The following USF3 variants were observed in gnomAD, a reference collection of about 807,000 sequenced individuals.
USF3 encodes basic helix-loop-helix domain-containing protein USF3.
Under a neutral mutation model 157.5 loss-of-function variants are expected in USF3, and 29 were observed. The observed-to-expected ratio is 0.18, with a 90% CI of 0.14 to 0.25. The LOEUF (loss-of-function observed/expected upper bound fraction) is 0.25, where lower values mean the gene tolerates loss of function less well. Ranked by LOEUF, USF3 falls within the 10% of genes least tolerant of loss-of-function variation. The probability of loss-of-function intolerance (pLI) is 1.00; values close to 1 mark genes in which losing one functional copy is unlikely to be tolerated. For missense variants in USF3, 2,381 were observed against 2,667.6 expected (o/e 0.89, Z 2.37); for synonymous variants, 893 against 941.4 (o/e 0.95, Z 0.94).
At chr3:113,669,585 A>T (rs1301930707) in intron 5 of USF3, among the ~76,000 whole-genome samples, 3 of 151,912 alleles carry the variant, frequency 2.0e-5, no homozygotes, top group Non-Finnish European at 4.4e-5. Context: ...TCAGTGGAGC[A>T]TGCTTTATCC....
chr3:113,657,009 T>C lies in USF3; in HGVS notation c.4673A>G (p.His1558Arg). The change falls in exon 7 of 7, where the codon CAC becomes CGC. Residue 1558 changes from histidine (H) to arginine (R), a missense_variant. This residue lies in a region of USF3 where 770 missense variants were observed against 824.2 expected (regional missense o/e 0.93). Coordinates refer to ENST00000316407, the MANE Select transcript of USF3 (RefSeq NM_001009899.4). ...SRSKTGQPHP[H>R]HQQMQQQMQQ... ...CATTTGTTGCTGCATCTGCTGATGGTGGGGATGTGGCTGGCCAGTCTTGGA... is the reference window on the plus strand; with the variant it reads ...CATTTGTTGCTGCATCTGCTGATGGCGGGGATGTGGCTGGCCAGTCTTGGA... The C allele has an allele frequency of 6.2e-7, 1 of 1,614,092 alleles. No individual in the cohort carries two copies. The highest frequency in any genetic ancestry group is 8.5e-7 in the Non-Finnish European group (1 of 1,180,004).
intron 5 of USF3, among the ~76,000 whole-genome samples, chr3:113,667,408 G>A (rs1028950010): frequency 6.6e-6 from 1 of 152,132 alleles, no homozygotes. Context: ...AGAGAAACTC[G>A]CAGGGATGAA....
In USF3 at chr3:113,656,988, T is replaced by C; in HGVS notation, c.4694A>G (p.Gln1565Arg). Residue 1565 changes from glutamine to arginine, a missense_variant, in exon 7 of 7, where the codon CAA becomes CGA. Transcript: ENST00000316407. ...PHPHHQQMQQ[Q>R]MQQHFGSSQT... ...GGAGCTTCCAAAGTGTTGCTGCATTTGTTGCTGCATCTGCTGATGGTGGGG... is the reference window on the plus strand; with the variant it reads ...GGAGCTTCCAAAGTGTTGCTGCATTCGTTGCTGCATCTGCTGATGGTGGGG... The C allele has an allele frequency of 1.2e-6, 2 of 1,614,190 alleles. No individual in the cohort carries two copies. Among genetic ancestry groups the C allele is most frequent in the South Asian group, 2.2e-5 (2 of 91,084 alleles).
Position 113,661,040 on chromosome 3 carries a change from A to T in USF3, c.642T>A (p.Val214=). 3 of 1,614,204 alleles carry T rather than the reference A, an allele frequency of 1.9e-6. No individual in the cohort carries two copies. The highest frequency in any genetic ancestry group is 2.5e-6 in the Non-Finnish European group (3 of 1,180,030). The change falls in exon 7 of 7, where the codon GTT becomes GTA. Residue 214 remains valine (V), a synonymous_variant. Transcript: ENST00000316407. ...SENKPWHQTT[V]PALATNQPVP... is the part of the protein sequence containing the mutation. Reference sequence around the variant, plus strand: ...CAGGCTGGTTGGTAGCCAATGCAGGAACTGTGGTCTGATGCCATGGCTTGT... The same window carrying T: ...CAGGCTGGTTGGTAGCCAATGCAGGTACTGTGGTCTGATGCCATGGCTTGT...
intron 1 of USF3, among the ~76,000 whole-genome samples, chr3:113,677,981 T>G (rs149169237): frequency 2.0e-5 from 3 of 151,306 alleles, no homozygotes; most frequent in African/African-American, 7.3e-5. Flanking sequence ...TTGGGTGATC[T>G]TCTCCCCTCC....
At chr3:113,672,113 G>A (rs771951521) in intron 4 of USF3, among the ~76,000 whole-genome samples, 6 of 149,026 alleles carry the variant, frequency 4.0e-5, no homozygotes, top group Non-Finnish European at 7.4e-5. Flanking sequence ...TTCTTAGTAA[G>A]TTATGGTAAA....
At chr3:113,662,723 G>A (rs747416803) in intron 6 of USF3, among the ~76,000 whole-genome samples, 2 of 151,966 alleles carry the variant, frequency 1.3e-5, no homozygotes, top group African/African-American at 2.4e-5. Context: ...TAATAACAAC[G>A]ACAACTATAA....
chr3:113,683,081 G>A (rs547309128), intron 1 of USF3, among the ~76,000 whole-genome samples: 60 of 151,440 alleles, frequency 4.0e-4, no homozygotes, highest in Non-Finnish European at 8.1e-4. Flanking sequence ...CTGGTGGTAC[G>A]TTTTAATTTC....
chr3:113,692,277 C>T (rs1343454057), intron 1 of USF3, among the ~76,000 whole-genome samples: 3 of 152,148 alleles, frequency 2.0e-5, no homozygotes, highest in Non-Finnish European at 2.9e-5. Context: ...ACATGAAATA[C>T]AATCTATATA....
chr3:113,658,109 T>C lies in USF3; in HGVS notation c.3573A>G (p.Ala1191=). ...PKESGTGQAE[A]TPNEFNSQGS... ...CCTGAGAATTAAATTCATTTGGTGT[T>C]GCTTCTGCCTGTCCTGTGCCACTCT... The change falls in exon 7 of 7, where the codon GCA becomes GCG. Residue 1191 remains alanine (A), a synonymous_variant. Transcript: ENST00000316407. 2 of 1,614,196 alleles carry C rather than the reference T, an allele frequency of 1.2e-6. No individual in the cohort carries two copies. Among genetic ancestry groups the C allele is most frequent in the Non-Finnish European group, 1.7e-6 (2 of 1,180,026 alleles).
At chr3:113,679,009 GTC>G (rs373834496) in intron 1 of USF3, among the ~76,000 whole-genome samples, 1,465 of 143,726 alleles carry the variant, frequency 0.01, 11 homozygotes, top group African/African-American at 0.024. Context: ...CCAGGCTGGT[GTC>G]TCTCTCTCTC....
In USF3 at chr3:113,655,710, C is replaced by T. The variant is rs776587053; in HGVS notation, c.5972G>A (p.Arg1991His). The change falls in exon 7 of 7, where the codon CGT becomes CAT. Residue 1991 changes from arginine (R) to histidine (H), a missense_variant. This residue lies in a region of USF3 where 770 missense variants were observed against 824.2 expected (regional missense o/e 0.93). Coordinates refer to ENST00000316407, the MANE Select transcript of USF3 (RefSeq NM_001009899.4). ...PLQDSSGSKI[R>H]QPERNRSGNQ... ...TCCAGAACGATTCCTTTCAGGCTGA[C>T]GAATTTTGGAACCACTGCTGTCTTG... 7.7e-5 allele frequency: 124 copies of T among 1,613,624 alleles called. No homozygotes were observed. Among genetic ancestry groups the T allele is most frequent in the Admixed American group, 1.0e-4 (6 of 59,910 alleles).
chr3:113,673,385 A>G lies in USF3; in HGVS notation c.48-9T>C, dbSNP rs1218080365. On this transcript the variant is annotated splice_polypyrimidine_tract_variant and intron_variant, in intron 3 of 6. Coordinates refer to ENST00000316407, the MANE Select transcript of USF3 (RefSeq NM_001009899.4). The stretch of plus-strand genomic sequence containing the variant: ...TCTCCCGGTTTTTCTTTCTGAAACA[A>G]AAAGTACAGATAAAAGGTAACATGA... 1 of 1,571,542 alleles carries G rather than the reference A, an allele frequency of 6.4e-7. No homozygotes were observed. Among genetic ancestry groups the G allele is most frequent in the African/African-American group, 1.3e-5 (1 of 74,138 alleles).
At position 113,658,264 on chromosome 3, in the gene USF3, T is replaced by C. The variant is rs754642249; in HGVS notation, c.3418A>G (p.Ile1140Val). Residue 1140 changes from isoleucine (I) to valine (V), a missense_variant, in exon 7 of 7, where the codon ATT (isoleucine) becomes GTT (valine). By Grantham distance (29) the Ile-to-Val change is conservative. Transcript: ENST00000316407. Reference sequence around the variant, plus strand: ...TTCTCAAGGTTCTCCTGGTCAAAAATAGCTCTTGCTGCAAGAGCTACTATA... The same window carrying C: ...TTCTCAAGGTTCTCCTGGTCAAAAACAGCTCTTGCTGCAAGAGCTACTATA... The part of the protein sequence containing the change: ...TDIVALAARA[I>V]FDQENLEKGR... 6.2e-6 allele frequency: 10 copies of C among 1,614,152 alleles called. No homozygotes were observed. Among genetic ancestry groups the C allele is most frequent in the Admixed American group, 5.0e-5 (3 of 60,018 alleles).
intron 1 of USF3, among the ~76,000 whole-genome samples, chr3:113,685,325 G>A (rs1707523500): frequency 6.6e-6 from 1 of 152,090 alleles, no homozygotes; most frequent in South Asian, 2.1e-4. Context: ...ATTGGGTTTC[G>A]CCCAAGGCCT....
Position 113,660,321 on chromosome 3 carries a change from ACAG to A in USF3, c.1358_1360del (p.Ala453del). 6.2e-7 allele frequency: 1 copy of A among 1,614,248 alleles called. No homozygotes were observed. The highest frequency in any genetic ancestry group is 8.5e-7 in the Non-Finnish European group (1 of 1,180,050). Reference sequence around the variant, plus strand: ...ACCAGACTCATTTAATACTGGAGTCACAGCAGAAGATGGTGTCTGGCTTAAGGG... The same window carrying A: ...ACCAGACTCATTTAATACTGGAGTCACAGAAGATGGTGTCTGGCTTAAGGG... On this transcript the variant is annotated inframe_deletion, in exon 7 of 7. Transcript: ENST00000316407.
chr3:113,661,486 G>C, intron 6 of USF3, 61 bp from the exon 7 acceptor site: 5 of 952,258 alleles, frequency 5.3e-6, no homozygotes, highest in Non-Finnish European at 7.7e-6. Flanking sequence ...ACAATAACTT[G>C]ATAAAGAACT....
Position 113,659,479 on chromosome 3 carries a change from C to G in USF3, c.2203G>C (p.Ala735Pro). Residue 735 changes from alanine to proline, a missense_variant, in exon 7 of 7, where the codon GCC becomes CCC. Ala to Pro is a conservative substitution (Grantham distance 27). This residue lies in a region of USF3 where 1,435 missense variants were observed against 1,550.9 expected (regional missense o/e 0.93). Coordinates refer to ENST00000316407, the MANE Select transcript of USF3 (RefSeq NM_001009899.4). ...SCVQLSISQPANSQTAANSQT... is the reference protein window; with the variant it reads ...SCVQLSISQPPNSQTAANSQT... ...CTATTTGCAGCAGTTTGAGAATTGG[C>G]AGGCTGGCTAATAGACAATTGTACA... 1 of 1,614,230 alleles carries G rather than the reference C, an allele frequency of 6.2e-7. No homozygotes were observed. Among genetic ancestry groups the G allele is most frequent in the Non-Finnish European group, 8.5e-7 (1 of 1,180,050 alleles).
Position 113,652,669 on chromosome 3 carries a change from G to C in USF3, c.*2275C>G, listed in dbSNP as rs574122897. ...AGCTTTTTAGGATTAAAAAAAAAGG[G>C]GGGGGCCTGGGAGGGGTGACTCATG... On this transcript the variant is annotated 3_prime_UTR_variant, in exon 7 of 7. Transcript: ENST00000316407. 6.5e-6 allele frequency: 1 copy of C among 152,824 alleles called. No individual in the cohort carries two copies. The highest frequency in any genetic ancestry group is 2.4e-5 in the African/African-American group (1 of 41,440). 9.5% of individuals were successfully genotyped at this position (152,824 alleles called of 1,614,324 possible). A position where few individuals can be genotyped will look rare whatever the true frequency, so the allele number is the denominator to read the frequency against.
Sources: gnomAD v4.1 joint callset for allele counts (sites outside exome capture counted in the v4.1 genomes callset) on GRCh38, gnomAD v4.1.1 for gene constraint, gnomAD v4.1.1 regional missense constraint, MANE v1.5 for transcripts, NCBI Gene and HGNC (gene_info 2026-07-23, HGNC 2026-07-21) for gene names.